GNAL: variants seen among roughly 807,000 people sequenced by gnomAD.
GNAL encodes G protein subunit alpha L, also known as guanine nucleotide-binding protein G(olf) subunit alpha.
In GNAL, 18 loss-of-function variants were observed where a neutral mutation model predicts 55.1. That is an observed-to-expected ratio of 0.33 (90% confidence interval 0.23 to 0.48). The LOEUF (loss-of-function observed/expected upper bound fraction) is 0.48, where lower values mean the gene tolerates loss of function less well. Ranked by LOEUF, GNAL falls within the 20% of genes least tolerant of loss-of-function variation. The pLI is 0.99. For synonymous variants in GNAL, 253 were observed against 237.0 expected, an observed-to-expected ratio of 1.07 and a Z score of -0.62; for missense variants, 412 against 614.1, an observed-to-expected ratio of 0.67 and a Z score of 3.48.
At chr18:11,746,091 C>A in intron 1 of GNAL, 1 of 488,032 alleles carries the variant, frequency 2.0e-6, no homozygotes. Context: ...TCCATTGGAG[C>A]ACTCCACGAC....
At chr18:11,740,351 C>G (rs1159075662) in intron 1 of GNAL, among the ~76,000 whole-genome samples, 1 of 152,234 alleles carries the variant, frequency 6.6e-6, no homozygotes, top group East Asian at 1.9e-4. Flanking sequence ...CCCCACACCC[C>G]CAGTTAGCTA....
Position 11,868,064 on chromosome 18 carries a change from G to A in GNAL, c.911-479G>A, listed in dbSNP as rs1167601724. Among the ~76,000 whole-genome samples the A allele has an allele frequency of 6.6e-6, 1 of 152,166 alleles. No homozygotes were observed. Among genetic ancestry groups the A allele is most frequent in the East Asian group, 1.9e-4 (1 of 5,196 alleles). On this transcript the variant is annotated intron_variant, in intron 8 of 11. Transcript: ENST00000334049. The surrounding 1 kb of genome is among the most constrained non-coding windows in gnomAD (Gnocchi z 4.0). ...CACCTGAACCCGGGAGGCAGAGGTT[G>A]CAGTGAGCCAAGATTGCGCCATTGC...
intron 4 of GNAL, among the ~76,000 whole-genome samples, chr18:11,796,997 C>T (rs146400665): frequency 6.6e-6 from 1 of 152,202 alleles, no homozygotes; most frequent in Non-Finnish European, 1.5e-5. Context: ...CTGTGCCACC[C>T]AGGCTGGAGT....
intron 5 of GNAL, chr18:11,851,836 GAGA>G (rs2035877093): frequency 3.7e-6 from 6 of 1,613,984 alleles, no homozygotes; most frequent in South Asian, 3.3e-5. Flanking sequence ...CATGAATCTG[GAGA>G]AGATTTCTGC....
Position 11,868,397 on chromosome 18 carries a change from C to T in GNAL, c.911-146C>T, listed in dbSNP as rs1204845780. 9.6e-6 allele frequency: 6 copies of T among 627,154 alleles called. No individual in the cohort carries two copies. Among genetic ancestry groups the T allele is most frequent in the South Asian group, 4.7e-5 (2 of 42,428 alleles). The allele number at this position is 627,154 out of a possible 1,614,324, so 38.8% of individuals were successfully genotyped here. ...TACTGAAGCAACCAGTGGTGCGCGG[C>T]GCACCTGCAGGCTGTTCTGTGACTG... is the stretch of plus-strand genomic sequence containing the variant. On this transcript the variant is annotated intron_variant, in intron 8 of 11. Coordinates refer to ENST00000334049, the MANE Select transcript of GNAL (RefSeq NM_182978.4). This position sits in a 1 kb window ranked among gnomAD's most constrained non-coding sequence, Gnocchi z 4.0.
chr18:11,689,851 G>T lies in GNAL; in HGVS notation c.288G>T (p.Lys96Asn). The change falls in exon 1 of 12, where the codon AAG becomes AAT. Residue 96 changes from lysine (K) to asparagine (N), a missense_variant. Transcript: ENST00000334049. ...REAAKEREAV[K>N]EARKVSRGID... ...CGGCCAAGGAGCGCGAGGCGGTCAAGGAGGCGAGGAAAGTGAGCCGGGGCA... is the reference window on the plus strand; with the variant it reads ...CGGCCAAGGAGCGCGAGGCGGTCAATGAGGCGAGGAAAGTGAGCCGGGGCA... The T allele has an allele frequency of 6.5e-7, 1 of 1,529,514 alleles. No individual in the cohort carries two copies. The highest frequency in any genetic ancestry group is 2.7e-5 in the East Asian group (1 of 37,168). The allele number at this position is 1,529,514 out of a possible 1,614,324, so 94.7% of individuals were successfully genotyped here. A position where few individuals can be genotyped will look rare whatever the true frequency, so the allele number is the denominator to read the frequency against.
At chr18:11,690,378 A>G (rs1384014336) in intron 1 of GNAL, among the ~76,000 whole-genome samples, 2 of 152,128 alleles carry the variant, frequency 1.3e-5, no homozygotes, top group East Asian at 3.9e-4. Context: ...TTTTAGCTTG[A>G]CCGCAAAGCT....
Position 11,868,417 on chromosome 18 carries a change from T to G in GNAL, c.911-126T>G. On this transcript the variant is annotated intron_variant, in intron 8 of 11. Coordinates refer to ENST00000334049, the MANE Select transcript of GNAL (RefSeq NM_182978.4). The surrounding 1 kb of genome is among the most constrained non-coding windows in gnomAD (Gnocchi z 4.0). ...CGCGGCGCACCTGCAGGCTGTTCTGTGACTGAATAGTCCTATCACTGAATG... is the reference window on the plus strand; with the variant it reads ...CGCGGCGCACCTGCAGGCTGTTCTGGGACTGAATAGTCCTATCACTGAATG... 1.3e-6 allele frequency: 1 copy of G among 779,142 alleles called. No individual in the cohort carries two copies. Among genetic ancestry groups the G allele is most frequent in the Non-Finnish European group, 2.0e-6 (1 of 493,030 alleles). The allele number at this position is 779,142 out of a possible 1,614,324, so 48.3% of individuals were successfully genotyped here. A position where few individuals can be genotyped will look rare whatever the true frequency, so the allele number is the denominator to read the frequency against.
Position 11,752,623 on chromosome 18 carries a change from C to T in GNAL, c.377-230C>T, listed in dbSNP as rs1317056379. 1.3e-6 allele frequency: 2 copies of T among 1,543,244 alleles called. No individual in the cohort carries two copies. Among genetic ancestry groups the T allele is most frequent in the Admixed American group, 4.5e-5 (2 of 44,832 alleles). On this transcript the variant is annotated intron_variant, in intron 1 of 11. Transcript: ENST00000334049. This position sits in a 1 kb window ranked among gnomAD's most constrained non-coding sequence, Gnocchi z 4.5. ...GGCGGCTCCCGGCCCCAGCGGAGCG[C>T]ACAGCCAGGAGCGGCGAGCGCCAGG...
chr18:11,717,854 G>C (rs1373198571), intron 1 of GNAL, among the ~76,000 whole-genome samples: 1 of 152,036 alleles, frequency 6.6e-6, no homozygotes, highest in Non-Finnish European at 1.5e-5. Context: ...TTAATACCTG[G>C]GTAATGAAAT....
intron 11 of GNAL, 55 bp from the exon 12 acceptor site, chr18:11,880,933 TC>T (rs1227549857): frequency 1.3e-6 from 2 of 1,569,122 alleles, no homozygotes; most frequent in Admixed American, 3.4e-5. Flanking sequence ...GCCTAGTCCT[TC>T]CCCAGAGTAC....
intron 1 of GNAL, among the ~76,000 whole-genome samples, chr18:11,723,679 G>C (rs2032147911): frequency 6.6e-6 from 1 of 152,210 alleles, no homozygotes; most frequent in Non-Finnish European, 1.5e-5. Flanking sequence ...AGAAAGGGAG[G>C]TGGGGCCCTG....
At chr18:11,705,955 A>G (rs1249193544) in intron 1 of GNAL, among the ~76,000 whole-genome samples, 1 of 151,966 alleles carries the variant, frequency 6.6e-6, no homozygotes, top group Non-Finnish European at 1.5e-5. Context: ...GGGTTTCACT[A>G]TGTTGGCCAG....
At chr18:11,852,349 A>G (rs1005408355) in intron 5 of GNAL, 1 of 522,756 alleles carries the variant, frequency 1.9e-6, no homozygotes, top group African/African-American at 1.9e-5. Flanking sequence ...CAGCCTTTTA[A>G]CAGAACTAGT....
chr18:11,818,066 TA>T (rs376490831), intron 4 of GNAL, among the ~76,000 whole-genome samples: 13,576 of 133,912 alleles, frequency 0.1, 1,041 homozygotes, highest in African/African-American at 0.23. Context: ...TACTAAAAAT[TA>T]AAAAAAAAAA....
intron 4 of GNAL, among the ~76,000 whole-genome samples, chr18:11,821,558 C>T (rs1006291692): frequency 2.0e-5 from 3 of 152,198 alleles, no homozygotes; most frequent in African/African-American, 4.8e-5. Context: ...GAGTAAGGCC[C>T]TTACTGTGAC....
At chr18:11,772,712 CAT>C (rs2084959100) in intron 4 of GNAL, among the ~76,000 whole-genome samples, 1 of 152,194 alleles carries the variant, frequency 6.6e-6, no homozygotes, top group Non-Finnish European at 1.5e-5. Flanking sequence ...CCCGATTCCT[CAT>C]CCAGTTCTCT....
At chr18:11,767,707 A>C (rs1308850603) in intron 4 of GNAL, among the ~76,000 whole-genome samples, 1 of 152,160 alleles carries the variant, frequency 6.6e-6, no homozygotes, top group Non-Finnish European at 1.5e-5. Flanking sequence ...TTGCACTTGC[A>C]CGCTTGCTGT....
intron 4 of GNAL, among the ~76,000 whole-genome samples, chr18:11,788,897 G>GGAAAAAAAA (rs1385387064): frequency 1.4e-3 from 115 of 82,502 alleles, no homozygotes; most frequent in African/African-American, 8.3e-3. Context: ...ACTCCGTCTC[G>GGAAAAAAAA]AAAAAAAAAA....
Sources: allele counts gnomAD v4.1 joint callset (sites outside exome capture counted in the v4.1 genomes callset), GRCh38; gene constraint gnomAD v4.1.1; non-coding constraint Gnocchi (gnomAD v3.1); transcripts MANE v1.5; gene names NCBI Gene and HGNC (gene_info 2026-07-23, HGNC 2026-07-21).